The following TNFRSF13B variants were observed in gnomAD, a reference collection of about 807,000 sequenced individuals.
TNFRSF13B encodes the protein TNF receptor superfamily member 13B.
A neutral mutation model predicts 24.0 loss-of-function variants in TNFRSF13B; 34 were observed. That is an observed-to-expected ratio of 1.41 (90% CI 1.08 to 1.88). The LOEUF (loss-of-function observed/expected upper bound fraction) is 1.88. TNFRSF13B is among the 40% of genes most tolerant of loss of function. The pLI is 0.00. For missense variants in TNFRSF13B, 415 were observed against 380.8 expected (o/e 1.09, Z -0.75); for synonymous variants, 173 against 150.3 (o/e 1.15, Z -1.10).
At chr17:16,941,236 C>A (rs1022648065) in intron 3 of TNFRSF13B, 2 of 987,488 alleles carry the variant, frequency 2.0e-6, no homozygotes, top group Non-Finnish European at 2.4e-6. Context: ...ATGGGTCGCA[C>A]GACACAGAGG....
At chr17:16,949,072 A>G in intron 2 of TNFRSF13B, 89 bp from the exon 3 acceptor site, 1 of 1,569,574 alleles carries the variant, frequency 6.4e-7, no homozygotes, top group South Asian at 1.1e-5. Context: ...AGTTAAAAAA[A>G]AAAATACAGT....
At chr17:16,959,432 T>C (rs2087646570) in intron 1 of TNFRSF13B, among the ~76,000 whole-genome samples, 1 of 151,388 alleles carries the variant, frequency 6.6e-6, no homozygotes, top group South Asian at 2.1e-4. Context: ...GAAATAAAAA[T>C]AGAACAAACC....
chr17:16,953,817 G>A (rs1401737494), intron 1 of TNFRSF13B, among the ~76,000 whole-genome samples: 1 of 152,074 alleles, frequency 6.6e-6, no homozygotes, highest in Non-Finnish European at 1.5e-5. Context: ...TGCCCAGGCT[G>A]GAGTGCAGTG....
chr17:16,945,201 C>G (rs1016875963), intron 3 of TNFRSF13B, among the ~76,000 whole-genome samples: 2 of 152,226 alleles, frequency 1.3e-5, no homozygotes, highest in Non-Finnish European at 2.9e-5. Context: ...CCCACTGGCA[C>G]CAACACATCC....
intron 2 of TNFRSF13B, among the ~76,000 whole-genome samples, chr17:16,950,511 AC>A (rs1480102455): frequency 6.6e-6 from 1 of 152,108 alleles, no homozygotes; most frequent in African/African-American, 2.4e-5. Flanking sequence ...CTTAGGGAAA[AC>A]TCAGATGGCC....
At chr17:16,964,264 C>G (rs550860244) in intron 1 of TNFRSF13B, among the ~76,000 whole-genome samples, 1 of 151,968 alleles carries the variant, frequency 6.6e-6, no homozygotes, top group Non-Finnish European at 1.5e-5. Context: ...CTAAGACCCC[C>G]CTGCCTGCTC....
At chr17:16,948,681 C>T (rs2087565781) in intron 3 of TNFRSF13B, 57 bp downstream of exon 3, 7 of 1,611,744 alleles carry the variant, frequency 4.3e-6, no homozygotes, top group Non-Finnish European at 5.1e-6. Flanking sequence ...TGGCATCAGG[C>T]CTCCCACGCT....
intron 1 of TNFRSF13B, among the ~76,000 whole-genome samples, chr17:16,960,862 G>A (rs2087657748): frequency 6.6e-6 from 1 of 152,060 alleles, no homozygotes; most frequent in Non-Finnish European, 1.5e-5. Context: ...CCTAATATGG[G>A]GTTAATATCC....
intron 1 of TNFRSF13B, among the ~76,000 whole-genome samples, chr17:16,971,578 TG>T (rs2087745014): frequency 6.6e-6 from 1 of 152,174 alleles, no homozygotes. Flanking sequence ...GTTCAGGAAT[TG>T]TTGTTTCAGC....
At chr17:16,969,982 C>A (rs2087732756) in intron 1 of TNFRSF13B, among the ~76,000 whole-genome samples, 1 of 152,130 alleles carries the variant, frequency 6.6e-6, no homozygotes, top group Non-Finnish European at 1.5e-5. Context: ...GTGACAAGGG[C>A]AGCCTTGGAG....
At chr17:16,950,212 A>G (rs2087579371) in intron 2 of TNFRSF13B, among the ~76,000 whole-genome samples, 1 of 152,148 alleles carries the variant, frequency 6.6e-6, no homozygotes, top group Non-Finnish European at 1.5e-5. Flanking sequence ...TCAGAACCAA[A>G]TTTCAGTTGG....
rs913343160 is a variant in TNFRSF13B, at chr17:16,941,592, A to C, written c.446-1081T>G. 3.0e-6 allele frequency: 3 copies of C among 986,322 alleles called. No individual in the cohort carries two copies. In the African/African-American group the frequency reaches 5.2e-5, roughly 17 times the overall value. The allele number at this position is 986,322 out of a possible 1,614,324, so 61.1% of individuals were successfully genotyped here. A position where few individuals can be genotyped will look rare whatever the true frequency, so the allele number is the denominator to read the frequency against. ...CCCTTCATCTTCCCGCTCTGATGGC[A>C]GACAACTACCCCCATTAAAAATACT... On this transcript the variant is annotated intron_variant, in intron 3 of 4. Coordinates refer to ENST00000261652, the MANE Select transcript of TNFRSF13B (RefSeq NM_012452.3).
chr17:16,967,716 C>T (rs1433277357), intron 1 of TNFRSF13B, among the ~76,000 whole-genome samples: 2 of 123,248 alleles, frequency 1.6e-5, no homozygotes, highest in African/African-American at 6.6e-5. Flanking sequence ...CACGCCACTG[C>T]ACTCCAGCCT....
intron 3 of TNFRSF13B, among the ~76,000 whole-genome samples, chr17:16,942,006 G>T (rs796277266): frequency 5.9e-5 from 9 of 152,290 alleles, no homozygotes; most frequent in African/African-American, 1.7e-4. Context: ...ACAGGGAATG[G>T]GCATTTGGGT....
intron 3 of TNFRSF13B, among the ~76,000 whole-genome samples, chr17:16,943,854 C>T (rs1160680521): frequency 6.6e-6 from 1 of 152,252 alleles, no homozygotes; most frequent in Non-Finnish European, 1.5e-5. Flanking sequence ...GCCTGGGCCA[C>T]CTGTTCCCCT....
chr17:16,966,333 C>T (rs555236805), intron 1 of TNFRSF13B, among the ~76,000 whole-genome samples: 2 of 151,284 alleles, frequency 1.3e-5, no homozygotes, highest in African/African-American at 2.4e-5. Flanking sequence ...CAACAAACAC[C>T]CAATTCCAAA....
At chr17:16,943,422 A>G (rs1377661609) in intron 3 of TNFRSF13B, among the ~76,000 whole-genome samples, 6 of 152,172 alleles carry the variant, frequency 3.9e-5, no homozygotes, top group East Asian at 3.8e-4. Context: ...GAGCAGTTCC[A>G]TGGCTGATCA....
At chr17:16,951,843 G>A (rs1019095755) in intron 2 of TNFRSF13B, among the ~76,000 whole-genome samples, 1 of 152,002 alleles carries the variant, frequency 6.6e-6, no homozygotes, top group Non-Finnish European at 1.5e-5. Flanking sequence ...AGCCAAGATC[G>A]CACCATTGCA....
intron 1 of TNFRSF13B, among the ~76,000 whole-genome samples, chr17:16,959,269 T>C (rs992967750): frequency 6.6e-6 from 1 of 151,854 alleles, no homozygotes; most frequent in Non-Finnish European, 1.5e-5. Flanking sequence ...ATAAAATATC[T>C]TGAGACAAAT....
Sources: gnomAD v4.1 joint callset for allele counts (sites outside exome capture counted in the v4.1 genomes callset) on GRCh38, gnomAD v4.1.1 for gene constraint, MANE v1.5 for transcripts, NCBI Gene and HGNC (gene_info 2026-07-23, HGNC 2026-07-21) for gene names.